Variants in INSL6 observed in about 807,000 individuals in gnomAD.
INSL6 encodes insulin like 6.
A neutral mutation model predicts 9.4 loss-of-function variants in INSL6; 16 were observed. The ratio of observed to expected loss-of-function variants is 1.70; its 90% CI spans 1.15 to 2.59. INSL6 has a LOEUF of 2.59. INSL6 is among the 30% of genes most tolerant of loss of function. The pLI, the probability that INSL6 is intolerant of heterozygous loss-of-function variation, is 0.00. For missense variants in INSL6, 391 were observed against 257.3 expected, an observed-to-expected ratio of 1.52 and a Z score of -3.56; for synonymous variants, 154 against 96.9, an observed-to-expected ratio of 1.59 and a Z score of -3.46.
At chr9:5,003,243 T>G in the INSL6 span, among the ~76,000 whole-genome samples, 3 of 152,124 alleles carry the variant, frequency 2.0e-5, no homozygotes, top group South Asian at 4.1e-4. Flanking sequence ...ACTTGTAAAT[T>G]TCCACAAAAA....
chr9:5,178,368 G>A (rs1294949484), intron 1 of INSL6, among the ~76,000 whole-genome samples: 2 of 152,174 alleles, frequency 1.3e-5, no homozygotes. Flanking sequence ...TGGTTGGCAT[G>A]AGAAAGGGTT....
chr9:5,114,510 G>C, the INSL6 span: 2 of 467,538 alleles, frequency 4.3e-6, no homozygotes, highest in Non-Finnish European at 8.4e-6. Context: ...CTACGTGTTT[G>C]CAACGCTAGA....
intron 1 of INSL6, among the ~76,000 whole-genome samples, chr9:5,169,635 T>C (rs1156866615): frequency 6.6e-6 from 1 of 152,152 alleles, no homozygotes; most frequent in Non-Finnish European, 1.5e-5. Context: ...TCATCTCACA[T>C]GCAAAGACAC....
chr9:5,070,509 GC>G, the INSL6 span, among the ~76,000 whole-genome samples: 1 of 151,962 alleles, frequency 6.6e-6, no homozygotes, highest in Admixed American at 6.6e-5. Flanking sequence ...TGAAAAGTTG[GC>G]CCTCTATATA....
chr9:5,003,347 T>C, the INSL6 span, among the ~76,000 whole-genome samples: 2 of 152,056 alleles, frequency 1.3e-5, no homozygotes, highest in Admixed American at 6.5e-5. Flanking sequence ...TGTATTCTTA[T>C]ATCAGCATGG....
chr9:5,022,357 A>G, the INSL6 span: 5 of 578,858 alleles, frequency 8.6e-6, no homozygotes, highest in South Asian at 1.3e-4. Flanking sequence ...TGCATAGAAA[A>G]TGAAAGTGTT....
chr9:5,020,101 G>C, the INSL6 span, among the ~76,000 whole-genome samples: 1 of 152,170 alleles, frequency 6.6e-6, no homozygotes, highest in African/African-American at 2.4e-5. Flanking sequence ...AGTGAGCATG[G>C]CATGGGTTAT....
the INSL6 span, among the ~76,000 whole-genome samples, chr9:5,118,496 CAATGT>C: frequency 6.6e-6 from 1 of 152,220 alleles, no homozygotes; most frequent in African/African-American, 2.4e-5. Flanking sequence ...TTTTCCAAAG[CAATGT>C]AAATAACAAA....
rs1050741157 is a variant in INSL6, at chr9:5,185,575, G to A, written c.28C>T (p.Leu10=). 8.7e-6 allele frequency: 14 copies of A among 1,613,658 alleles called. No individual in the cohort carries two copies. Among genetic ancestry groups the A allele is most frequent in the Non-Finnish European group, 1.1e-5 (13 of 1,179,992 alleles). Residue 10 remains leucine (L), a synonymous_variant, in exon 1 of 2, where the codon CTG becomes TTG. Coordinates refer to ENST00000381641, the MANE Select transcript of INSL6 (RefSeq NM_007179.3). Reference sequence around the variant, plus strand: ...CGAACCAGCAGGAGTCCAAGCCACAGCAGGGACAAGCGGAGGAGCCGCGGC... The same window carrying A: ...CGAACCAGCAGGAGTCCAAGCCACAACAGGGACAAGCGGAGGAGCCGCGGC... MPRLLRLSL[L]WLGLLLVRFS...
At chr9:5,113,371 AT>A in the INSL6 span, among the ~76,000 whole-genome samples, 1 of 149,914 alleles carries the variant, frequency 6.7e-6, no homozygotes, top group Non-Finnish European at 1.5e-5. Context: ...CCAGCAGCAA[AT>A]TGTGCCTAAG....
At chr9:5,100,847 G>C in the INSL6 span, 3 of 152,278 alleles carry the variant, frequency 2.0e-5, no homozygotes, top group African/African-American at 7.2e-5. Flanking sequence ...GGCTTTCATG[G>C]ATTTCATGTT....
the INSL6 span, among the ~76,000 whole-genome samples, chr9:5,118,683 TGTAA>T: frequency 1.3e-5 from 2 of 152,212 alleles, no homozygotes; most frequent in Non-Finnish European, 2.9e-5. Flanking sequence ...AACTTGTTTG[TGTAA>T]GTGAGTGGAC....
At chr9:5,003,311 G>A in the INSL6 span, among the ~76,000 whole-genome samples, 2 of 151,968 alleles carry the variant, frequency 1.3e-5, no homozygotes, top group African/African-American at 4.8e-5. Flanking sequence ...GAAAAGAACC[G>A]ACATCTGAAC....
chr9:5,081,886 T>C, the INSL6 span: 8 of 1,583,370 alleles, frequency 5.1e-6, no homozygotes, highest in South Asian at 2.2e-5. Context: ...TTTTTTCAAA[T>C]AGAGTATAAT....
chr9:5,103,443 G>C, the INSL6 span, among the ~76,000 whole-genome samples: 4 of 151,878 alleles, frequency 2.6e-5, no homozygotes, highest in African/African-American at 9.7e-5. Context: ...GACCTATAAA[G>C]AGACTTAGAC....
the INSL6 span, among the ~76,000 whole-genome samples, chr9:5,106,539 C>G: frequency 2.0e-5 from 3 of 152,116 alleles, no homozygotes; most frequent in African/African-American, 4.8e-5. Flanking sequence ...ACCCAGCCAT[C>G]CCATTACTGG....
the INSL6 span, among the ~76,000 whole-genome samples, chr9:5,072,081 T>A: frequency 6.6e-6 from 1 of 152,202 alleles, no homozygotes; most frequent in Non-Finnish European, 1.5e-5. Context: ...TTAAATAGCC[T>A]GTACAAGGTC....
At chr9:5,111,767 C>T in the INSL6 span, 5 of 421,986 alleles carry the variant, frequency 1.2e-5, no homozygotes, top group Admixed American at 2.8e-5. Context: ...GAACGGTGGG[C>T]TTCCGGCTGC....
chr9:5,065,654 G>C, the INSL6 span, among the ~76,000 whole-genome samples: 19 of 152,112 alleles, frequency 1.2e-4, 1 homozygote, highest in African/African-American at 4.3e-4. Flanking sequence ...CTATCACATT[G>C]GCTCACACAG....
Sources: gnomAD v4.1 joint callset for allele counts (sites outside exome capture counted in the v4.1 genomes callset) on GRCh38, gnomAD v4.1.1 for gene constraint, MANE v1.5 for transcripts, NCBI Gene and HGNC (gene_info 2026-07-23, HGNC 2026-07-21) for gene names.